Variants in JMJD1C observed in about 807,000 individuals in gnomAD.
JMJD1C encodes jumonji domain-containing protein 1C.
A neutral mutation model predicts 245.3 loss-of-function variants in JMJD1C; 31 were observed. That is an observed-to-expected ratio of 0.13 (90% CI 0.09 to 0.17). The LOEUF (loss-of-function observed/expected upper bound fraction) is 0.17. Among genes scored for constraint, JMJD1C ranks in the 10% least tolerant of loss-of-function variants. The pLI is 1.00. For missense variants in JMJD1C, 2,691 were observed against 3,000.2 expected (o/e 0.90, Z 2.41); for synonymous variants, 1,057 against 1,017.4 (o/e 1.04, Z -0.74).
At chr10:63,253,755 T>C (rs1005572789) in intron 3 of JMJD1C, among the ~76,000 whole-genome samples, 4 of 152,170 alleles carry the variant, frequency 2.6e-5, no homozygotes, top group Non-Finnish European at 4.4e-5. Context: ...GATGTCCTAG[T>C]GGCTTAGCTA....
At chr10:63,230,712 T>C (rs920920931) in intron 3 of JMJD1C, among the ~76,000 whole-genome samples, 3 of 151,496 alleles carry the variant, frequency 2.0e-5, no homozygotes, top group African/African-American at 7.3e-5. Flanking sequence ...CAAGCAGAAA[T>C]TGCAGTGAGA....
At chr10:63,273,987 T>C (rs1856559739) in intron 2 of JMJD1C, among the ~76,000 whole-genome samples, 1 of 152,142 alleles carries the variant, frequency 6.6e-6, no homozygotes, top group Non-Finnish European at 1.5e-5. Context: ...TTTATACACG[T>C]GGAAGCCTAA....
At position 63,168,039 on chromosome 10, in the gene JMJD1C, TCA is replaced by T; in HGVS notation, c.*4_*5del. On this transcript the variant is annotated 3_prime_UTR_variant, in exon 26 of 26. Transcript: ENST00000399262. ...AACAACCTAAAAATATCAAACTGGATCACACTTAATTTTCTTCCATATCCTCT... is the reference window on the plus strand; with the variant it reads ...AACAACCTAAAAATATCAAACTGGATCACTTAATTTTCTTCCATATCCTCT... 1 of 1,511,904 alleles carries T rather than the reference TCA, an allele frequency of 6.6e-7. No homozygotes were observed. The highest frequency in any genetic ancestry group is 9.2e-7 in the Non-Finnish European group (1 of 1,087,696). 93.7% of individuals were successfully genotyped at this position (1,511,904 alleles called of 1,614,324 possible).
intron 1 of JMJD1C, among the ~76,000 whole-genome samples, chr10:63,426,946 G>C (rs1950476337): frequency 6.6e-6 from 1 of 152,168 alleles, no homozygotes; most frequent in African/African-American, 2.4e-5. Context: ...TAACTAATCA[G>C]ATGTTTTAAC....
chr10:63,277,276 G>A (rs953653195), intron 2 of JMJD1C, among the ~76,000 whole-genome samples: 4 of 143,368 alleles, frequency 2.8e-5, no homozygotes, highest in African/African-American at 7.8e-5. Context: ...CAGGGCAACC[G>A]GCCTGAGCCA....
chr10:63,498,494 T>G (rs1231830902), intron 1 of JMJD1C, among the ~76,000 whole-genome samples: 1 of 152,164 alleles, frequency 6.6e-6, no homozygotes, highest in Non-Finnish European at 1.5e-5. Flanking sequence ...TTAAATTATA[T>G]TTAATTTTGT....
At chr10:63,247,925 A>G in intron 3 of JMJD1C, among the ~76,000 whole-genome samples, 1 of 152,068 alleles carries the variant, frequency 6.6e-6, no homozygotes, top group Non-Finnish European at 1.5e-5. Context: ...TTACCCAGAC[A>G]CAACAAAAAA....
At chr10:63,456,784 A>C (rs1480752627) in intron 1 of JMJD1C, among the ~76,000 whole-genome samples, 12 of 152,176 alleles carry the variant, frequency 7.9e-5, no homozygotes. Context: ...TACTGGAAGA[A>C]ACCTGAAATA....
At chr10:63,291,939 T>A (rs897697372) in intron 2 of JMJD1C, among the ~76,000 whole-genome samples, 1 of 151,998 alleles carries the variant, frequency 6.6e-6, no homozygotes, top group Non-Finnish European at 1.5e-5. Context: ...TGTGTGCATG[T>A]CTGTGTGTGT....
chr10:63,459,014 G>A (rs1314250776), intron 1 of JMJD1C, among the ~76,000 whole-genome samples: 4 of 152,084 alleles, frequency 2.6e-5, no homozygotes, highest in African/African-American at 7.2e-5. Flanking sequence ...GAGCCACCGC[G>A]CTTGGCCTAT....
At chr10:63,464,343 CAG>C (rs746934952) in intron 1 of JMJD1C, among the ~76,000 whole-genome samples, 20 of 152,140 alleles carry the variant, frequency 1.3e-4, no homozygotes, top group Non-Finnish European at 2.6e-4. Context: ...AAAACACACT[CAG>C]AAACTATTAA....
rs560804269 is a variant in JMJD1C, at chr10:63,243,348, G to A, written c.447+21303C>T. ...TCGGGACCAGCCTGACCAACATGGA[G>A]AAGCCCCATCTCTACCAAAAATACA... On this transcript the variant is annotated intron_variant, in intron 3 of 25. Coordinates refer to ENST00000399262, the MANE Select transcript of JMJD1C (RefSeq NM_032776.3). Among the ~76,000 whole-genome samples the A allele has an allele frequency of 1.2e-4, 18 of 151,806 alleles. 1 individual carries two copies. The South Asian group carries it at 3.7e-3, about 32-fold the overall frequency.
intron 1 of JMJD1C, among the ~76,000 whole-genome samples, chr10:63,412,859 A>G (rs1261953645): frequency 2.0e-5 from 3 of 152,206 alleles, no homozygotes; most frequent in African/African-American, 7.2e-5. Flanking sequence ...AATTGCTGCA[A>G]ATCTCTAAAA....
chr10:63,222,881 C>T, intron 3 of JMJD1C: 1 of 1,483,726 alleles, frequency 6.7e-7, no homozygotes, highest in Non-Finnish European at 9.4e-7. Context: ...AACTGCATTT[C>T]CTACCAAAAA....
intron 1 of JMJD1C, among the ~76,000 whole-genome samples, chr10:63,464,246 C>T (rs1342273433): frequency 6.6e-6 from 1 of 152,198 alleles, no homozygotes; most frequent in Non-Finnish European, 1.5e-5. Flanking sequence ...ATCAGCAAAA[C>T]ACACCTATTT....
At chr10:63,472,489 G>A (rs1346634418) in intron 1 of JMJD1C, among the ~76,000 whole-genome samples, 2 of 151,988 alleles carry the variant, frequency 1.3e-5, no homozygotes, top group Admixed American at 6.6e-5. Context: ...GTGCCACCAC[G>A]CCTGGCTAAT....
chr10:63,465,703 A>G lies in JMJD1C; in HGVS notation c.-41T>C. On this transcript the variant is annotated 5_prime_UTR_variant, in exon 1 of 26. Coordinates refer to ENST00000399262, the MANE Select transcript of JMJD1C (RefSeq NM_032776.3). ...AGCGGCCGCTGCCTCCTCCAGTGCGAGGGAACCGATGAAACCTCACTCCTA... is the reference window on the plus strand; with the variant it reads ...AGCGGCCGCTGCCTCCTCCAGTGCGGGGGAACCGATGAAACCTCACTCCTA... 1 of 1,600,846 alleles carries G rather than the reference A, an allele frequency of 6.2e-7. No individual in the cohort carries two copies. The highest frequency in any genetic ancestry group is 8.5e-7 in the Non-Finnish European group (1 of 1,178,456).
chr10:63,239,192 A>T (rs1439175081), intron 3 of JMJD1C, among the ~76,000 whole-genome samples: 1 of 152,338 alleles, frequency 6.6e-6, no homozygotes, highest in East Asian at 1.9e-4. Context: ...TTCATACGCA[A>T]GAATAGATGG....
Position 63,214,125 on chromosome 10 carries a change from A to T in JMJD1C, c.2042T>A (p.Leu681Gln), listed in dbSNP as rs1204316263. 20 of 1,614,122 alleles carry T rather than the reference A, an allele frequency of 1.2e-5. No homozygotes were observed. Among genetic ancestry groups the T allele is most frequent in the Middle Eastern group, 1.6e-4 (1 of 6,084 alleles). The stretch of plus-strand genomic sequence containing the variant: ...AATTGGATGAAAACTGCATCTTGAT[A>T]GCTCATGTTCTATCTTATTTGCCAA... ...RRLANKIEHE[L>Q]SRCSFHPIPT... Residue 681 changes from leucine to glutamine, a missense_variant, in exon 8 of 26, where the codon CTA (leucine) becomes CAA (glutamine). Physicochemically the swap from Leu to Gln is moderately radical, Grantham distance 113 (BLOSUM62 -2). This residue lies in a region of JMJD1C where 1,562 missense variants were observed against 1,490.7 expected (regional missense o/e 1.05). Coordinates refer to ENST00000399262, the MANE Select transcript of JMJD1C (RefSeq NM_032776.3).
Sources: gnomAD v4.1 joint callset for allele counts (sites outside exome capture counted in the v4.1 genomes callset) on GRCh38, gnomAD v4.1.1 for gene constraint, gnomAD v4.1.1 regional missense constraint, MANE v1.5 for transcripts, NCBI Gene and HGNC (gene_info 2026-07-23, HGNC 2026-07-21) for gene names.